RAB3IP: variants seen among roughly 807,000 people sequenced by gnomAD.
RAB3IP encodes rab-3A-interacting protein.
Under a neutral mutation model 59.1 loss-of-function variants are expected in RAB3IP, and 36 were observed. That is an observed-to-expected ratio of 0.61 (90% CI 0.47 to 0.80). The LOEUF (loss-of-function observed/expected upper bound fraction) is 0.80. Among genes scored for constraint, RAB3IP ranks in the 30% least tolerant of loss-of-function variants. RAB3IP has a pLI of 0.00. For missense variants in RAB3IP, 511 were observed against 536.0 expected, an observed-to-expected ratio of 0.95 and a Z score of 0.46; for synonymous variants, 207 against 191.2, an observed-to-expected ratio of 1.08 and a Z score of -0.68.
chr12:69,795,057 G>A (rs1877224008), intron 5 of RAB3IP, 84 bp from the exon 6 acceptor site: 2 of 936,210 alleles, frequency 2.1e-6, no homozygotes. Context: ...ATCTTTGAAA[G>A]TGTTTTGACC....
In RAB3IP at chr12:69,765,518, T is replaced by A. The variant is rs561606763; in HGVS notation, c.510+8855T>A. Among the ~76,000 whole-genome samples, 25 of 151,966 alleles carry A rather than the reference T, an allele frequency of 1.6e-4. No individual in the cohort carries two copies. The South Asian group carries it at 5.2e-3, about 31-fold the overall frequency. On this transcript the variant is annotated intron_variant, in intron 3 of 10. Coordinates refer to ENST00000247833, the MANE Select transcript of RAB3IP (RefSeq NM_022456.5). Reference sequence around the variant, plus strand: ...TGATCATAATGAATTAACTTTTTGATGTGCTGTTGGAATCAGTTTGGTAGT... The same window carrying A: ...TGATCATAATGAATTAACTTTTTGAAGTGCTGTTGGAATCAGTTTGGTAGT...
intron 3 of RAB3IP, among the ~76,000 whole-genome samples, chr12:69,780,183 C>G (rs1874440775): frequency 6.6e-6 from 1 of 152,182 alleles, no homozygotes; most frequent in Non-Finnish European, 1.5e-5. Context: ...GGAAGCCTGT[C>G]CCATTTGCTT....
intron 7 of RAB3IP, among the ~76,000 whole-genome samples, chr12:69,801,178 C>CTT (rs1565920115): frequency 6.6e-6 from 1 of 152,144 alleles, no homozygotes; most frequent in African/African-American, 2.4e-5. Flanking sequence ...TAGACTCACT[C>CTT]TTGTGCACAT....
chr12:69,768,889 C>T (rs528618298), intron 3 of RAB3IP, among the ~76,000 whole-genome samples: 2 of 152,098 alleles, frequency 1.3e-5, no homozygotes, highest in Non-Finnish European at 2.9e-5. Flanking sequence ...GAATGGCTGA[C>T]TTCGTATGTA....
chr12:69,768,159 G>A (rs1477954322), intron 3 of RAB3IP, among the ~76,000 whole-genome samples: 4 of 151,706 alleles, frequency 2.6e-5, no homozygotes, highest in Non-Finnish European at 5.9e-5. Context: ...CATCCAGTAA[G>A]GATGGTGCCA....
Position 69,801,717 on chromosome 12 carries a change from C to G in RAB3IP, c.1126C>G (p.Pro376Ala), listed in dbSNP as rs756799936. Residue 376 changes from proline (P) to alanine (A), a missense_variant, in exon 8 of 11, where the codon CCA becomes GCA. By Grantham distance (27) the Pro-to-Ala change is conservative. Transcript: ENST00000247833. ...AGCTTCTGCAGTTGAATGCGGAGGA[C>G]CAAAGTAGGTTTTTACGTGCATGAA... ...VKASAVECGG[P>A]KKCALTGQSK... 4 of 1,601,220 alleles carry G rather than the reference C, an allele frequency of 2.5e-6. No individual in the cohort carries two copies. The highest frequency in any genetic ancestry group is 3.4e-6 in the Non-Finnish European group (4 of 1,169,232).
intron 1 of RAB3IP, among the ~76,000 whole-genome samples, chr12:69,748,073 T>G (rs1219461495): frequency 3.5e-5 from 2 of 57,876 alleles, no homozygotes; most frequent in African/African-American, 5.6e-5. Context: ...CAGCTTTAGT[T>G]TTTTTTTTTT....
chr12:69,789,451 CAAG>C (rs1218573684), intron 4 of RAB3IP, among the ~76,000 whole-genome samples: 1 of 151,974 alleles, frequency 6.6e-6, no homozygotes, highest in African/African-American at 2.4e-5. Flanking sequence ...AAAATGGAAT[CAAG>C]AAGTAGAAAC....
intron 8 of RAB3IP, among the ~76,000 whole-genome samples, chr12:69,809,733 C>T (rs1233866995): frequency 1.3e-5 from 2 of 152,152 alleles, no homozygotes; most frequent in Non-Finnish European, 2.9e-5. Flanking sequence ...GTTCTCATGC[C>T]ATGGTTTTCA....
chr12:69,740,016 A>G (rs1887151330), intron 1 of RAB3IP: 2 of 707,488 alleles, frequency 2.8e-6, no homozygotes, highest in African/African-American at 1.8e-5. Context: ...GTGTCGGGTT[A>G]AAAGCCTTGT....
chr12:69,762,858 A>G (rs1250152107), intron 3 of RAB3IP, among the ~76,000 whole-genome samples: 1 of 152,026 alleles, frequency 6.6e-6, no homozygotes, highest in African/African-American at 2.4e-5. Flanking sequence ...GCTTGCAAAG[A>G]GAGTCATTGA....
intron 1 of RAB3IP, among the ~76,000 whole-genome samples, chr12:69,745,668 T>C (rs1320778819): frequency 6.6e-6 from 1 of 152,216 alleles, no homozygotes; most frequent in African/African-American, 2.4e-5. Flanking sequence ...TTCACTTCTT[T>C]TTTTTTAAAC....
At chr12:69,754,342 G>GGC (rs1869831613) in intron 1 of RAB3IP, among the ~76,000 whole-genome samples, 2 of 149,968 alleles carry the variant, frequency 1.3e-5, no homozygotes, top group South Asian at 4.3e-4. Context: ...CAGATACACG[G>GGC]GCACACACAC....
intron 3 of RAB3IP, among the ~76,000 whole-genome samples, chr12:69,784,049 ATTAGT>A (rs961454600): frequency 2.0e-5 from 3 of 152,170 alleles, no homozygotes; most frequent in African/African-American, 7.2e-5. Flanking sequence ...TGTTTGAAAG[ATTAGT>A]TTAGGGCTAC....
rs558727501 is a variant in RAB3IP, at chr12:69,819,893, G to C, written c.*4447G>C. Reference sequence around the variant, plus strand: ...CTCTCTTCATGGTCTCTCTCAGCTTGAAGACAATTTACAGTCTTTGACTAA... The same window carrying C: ...CTCTCTTCATGGTCTCTCTCAGCTTCAAGACAATTTACAGTCTTTGACTAA... On this transcript the variant is annotated 3_prime_UTR_variant, in exon 11 of 11. Coordinates refer to ENST00000247833, the MANE Select transcript of RAB3IP (RefSeq NM_022456.5). The C allele has an allele frequency of 6.6e-6, 1 of 152,258 alleles. No homozygotes were observed. Among genetic ancestry groups the C allele is most frequent in the East Asian group, 1.9e-4 (1 of 5,160 alleles). 9.4% of individuals were successfully genotyped at this position (152,258 alleles called of 1,614,324 possible).
chr12:69,767,208 A>G (rs571150069), intron 3 of RAB3IP, among the ~76,000 whole-genome samples: 1 of 151,790 alleles, frequency 6.6e-6, no homozygotes, highest in Non-Finnish European at 1.5e-5. Context: ...GTGTGACTGT[A>G]GAGAATTCTG....
At chr12:69,808,671 T>C (rs1279034819) in intron 8 of RAB3IP, among the ~76,000 whole-genome samples, 1 of 152,240 alleles carries the variant, frequency 6.6e-6, no homozygotes, top group Non-Finnish European at 1.5e-5. Flanking sequence ...TCTTGTCTCT[T>C]TTGATCTTTG....
intron 6 of RAB3IP, among the ~76,000 whole-genome samples, chr12:69,798,702 T>C (rs1877916938): frequency 6.6e-6 from 1 of 152,182 alleles, no homozygotes; most frequent in African/African-American, 2.4e-5. Context: ...GATTTTTGTA[T>C]AAGGTATAAG....
intron 4 of RAB3IP, among the ~76,000 whole-genome samples, chr12:69,791,681 A>T (rs957084196): frequency 3.3e-5 from 5 of 152,218 alleles, no homozygotes; most frequent in African/African-American, 1.2e-4. Flanking sequence ...GTTGGCAAGG[A>T]TGTGGAGAAA....
Sources: allele counts gnomAD v4.1 joint callset (sites outside exome capture counted in the v4.1 genomes callset), GRCh38; gene constraint gnomAD v4.1.1; transcripts MANE v1.5; gene names NCBI Gene and HGNC (gene_info 2026-07-23, HGNC 2026-07-21).